Variants in MCCC2 observed in about 807,000 individuals in gnomAD.
MCCC2 encodes the protein methylcrotonoyl-CoA carboxylase beta chain, mitochondrial.
Under a neutral mutation model 77.2 loss-of-function variants are expected in MCCC2, and 52 were observed. The ratio of observed to expected loss-of-function variants is 0.67; its 90% CI spans 0.54 to 0.85. The LOEUF is 0.85. MCCC2 is among the 40% of genes least tolerant of loss of function. MCCC2 has a pLI of 0.00. For missense variants in MCCC2, 682 were observed against 703.2 expected (o/e 0.97, Z 0.34); for synonymous variants, 253 against 248.4 (o/e 1.02, Z -0.18).
At chr5:71,627,761 G>A (rs1425239211) in intron 7 of MCCC2, among the ~76,000 whole-genome samples, 1 of 151,832 alleles carries the variant, frequency 6.6e-6, no homozygotes, top group African/African-American at 2.4e-5. Context: ...CATCTTTGGG[G>A]GTGTGAGGTA....
rs886060745 is a variant in MCCC2, at chr5:71,657,738, T to G, written c.*878T>G. The G allele has an allele frequency of 1.3e-5, 2 of 152,162 alleles. No individual in the cohort carries two copies. The highest frequency in any genetic ancestry group is 1.3e-4 in the Admixed American group (2 of 15,266). The allele number at this position is 152,162 out of a possible 1,614,324, so 9.4% of individuals were successfully genotyped here. A position where few individuals can be genotyped will look rare whatever the true frequency, so the allele number is the denominator to read the frequency against. On this transcript the variant is annotated 3_prime_UTR_variant, in exon 17 of 17. Transcript: ENST00000340941. ...CACCGCGCCTGACCACATCTCCTTA[T>G]TCTTAAATGTATGTGTTTCTCATGG...
chr5:71,628,973 A>T (rs772298532), intron 7 of MCCC2, among the ~76,000 whole-genome samples: 2 of 152,186 alleles, frequency 1.3e-5, no homozygotes, highest in African/African-American at 4.8e-5. Flanking sequence ...TGGGAGGCCA[A>T]GGTGGGTGGA....
rs1745187934 is a variant in MCCC2 at position 71,596,349 on chromosome 5, A to G, written c.266A>G (p.Asn89Ser). 5 of 1,613,996 alleles carry G rather than the reference A, an allele frequency of 3.1e-6. No homozygotes were observed. The highest frequency in any genetic ancestry group is 2.2e-5 in the East Asian group (1 of 44,882). ...GKLLPRERID[N>S]LIDPGSPFLE... is the part of the protein sequence containing the mutation. ...CTATTGCCCAGAGAAAGAATTGACA[A>G]TCTCATAGACCCAGGGTGCGTACAT... Residue 89 changes from asparagine to serine, a missense_variant, in exon 3 of 17, where the codon AAT becomes AGT. Transcript: ENST00000340941.
intron 10 of MCCC2, among the ~76,000 whole-genome samples, chr5:71,639,230 G>C (rs1443356182): frequency 6.6e-6 from 1 of 152,164 alleles, no homozygotes; most frequent in Non-Finnish European, 1.5e-5. Flanking sequence ...GAAAGTCCTA[G>C]GTGGCATCTT....
In MCCC2 at chr5:71,640,382, A is replaced by AT. The variant is rs60843078; in HGVS notation, c.1000-600dup. Among the ~76,000 whole-genome samples the AT allele has an allele frequency of 3.5e-3, 383 of 109,120 alleles. 3 individuals are homozygous for AT. Among genetic ancestry groups the AT allele is most frequent in the African/African-American group, 9.4e-3 (276 of 29,494 alleles). 71.6% of individuals were successfully genotyped at this position (109,120 alleles called of 152,430 possible). On this transcript the variant is annotated intron_variant, in intron 10 of 16. Transcript: ENST00000340941. ...GAAAGGAATAGTTAGCACTTTTTACATTTTTTTTTTTTTTTTTTTTTAACA... is the reference window on the plus strand; with the variant it reads ...GAAAGGAATAGTTAGCACTTTTTACATTTTTTTTTTTTTTTTTTTTTTAACA...
At position 71,596,318 on chromosome 5, in the gene MCCC2, G is replaced by A; in HGVS notation, c.235G>A (p.Gly79Arg). Residue 79 changes from glycine to arginine, a missense_variant, in exon 3 of 17, where the codon GGA becomes AGA. Gly to Arg is a moderately radical substitution (Grantham distance 125). Coordinates refer to ENST00000340941, the MANE Select transcript of MCCC2 (RefSeq NM_022132.5). The part of the protein sequence containing the change: ...EKARALHISR[G>R]KLLPRERIDN... ...AGCCCGAGCACTTCACATATCAAGAGGAAAACTATTGCCCAGAGAAAGAAT... is the reference window on the plus strand; with the variant it reads ...AGCCCGAGCACTTCACATATCAAGAAGAAAACTATTGCCCAGAGAAAGAAT... The A allele has an allele frequency of 6.2e-7, 1 of 1,614,078 alleles. No individual in the cohort carries two copies. The highest frequency in any genetic ancestry group is 2.2e-5 in the East Asian group (1 of 44,866).
chr5:71,642,711 CT>C (rs1378087640), intron 11 of MCCC2, among the ~76,000 whole-genome samples: 4 of 152,212 alleles, frequency 2.6e-5, no homozygotes, highest in South Asian at 4.1e-4. Flanking sequence ...AAGTTTACCC[CT>C]TTCTGAATTG....
Position 71,646,280 on chromosome 5 carries a change from A to G in MCCC2, c.1216+3A>G. ...GCTGTTCCTTCAAAACATTACTGGTAAGAAAATAGCTTAATCAGTTTGGTT... is the reference window on the plus strand; with the variant it reads ...GCTGTTCCTTCAAAACATTACTGGTGAGAAAATAGCTTAATCAGTTTGGTT... On this transcript the variant is annotated splice_donor_region_variant and intron_variant, in intron 13 of 16. Transcript: ENST00000340941. 2 of 1,613,334 alleles carry G rather than the reference A, an allele frequency of 1.2e-6. No homozygotes were observed. The highest frequency in any genetic ancestry group is 1.7e-6 in the Non-Finnish European group (2 of 1,179,466).
At chr5:71,624,999 A>G (rs1746491463) in intron 6 of MCCC2, among the ~76,000 whole-genome samples, 2 of 151,506 alleles carry the variant, frequency 1.3e-5, no homozygotes, top group South Asian at 4.2e-4. Flanking sequence ...CAGCCTGTCT[A>G]ACTACATTTC....
rs1463802125 is a variant in MCCC2, at chr5:71,632,119, AG to A, written c.739del. 1 of 1,614,000 alleles carries A rather than the reference AG, an allele frequency of 6.2e-7. No individual in the cohort carries two copies. Among genetic ancestry groups the A allele is most frequent in the East Asian group, 2.2e-5 (1 of 44,880 alleles). On this transcript the variant is annotated splice_acceptor_variant, in intron 7 of 16. Transcript: ENST00000340941. LOFTEE classifies it high-confidence loss of function. ...CACTGATGATTTTTATCCTTGTTGTAGGTTAAAGCGGCAACTGGGGAAGAAG... is the reference window on the plus strand; with the variant it reads ...CACTGATGATTTTTATCCTTGTTGTAGTTAAAGCGGCAACTGGGGAAGAAG...
At chr5:71,595,326 G>T (rs1745139507) in intron 2 of MCCC2, among the ~76,000 whole-genome samples, 1 of 151,418 alleles carries the variant, frequency 6.6e-6, no homozygotes, top group African/African-American at 2.4e-5. Flanking sequence ...CTGCTGGGAA[G>T]CCTGAGGTGA....
At chr5:71,603,722 G>A (rs543334105) in intron 5 of MCCC2, among the ~76,000 whole-genome samples, 1 of 152,302 alleles carries the variant, frequency 6.6e-6, no homozygotes, top group South Asian at 2.1e-4. Context: ...ATTGGACACA[G>A]CATATAATGT....
At chr5:71,629,200 T>C (rs1344633162) in intron 7 of MCCC2, among the ~76,000 whole-genome samples, 6 of 121,200 alleles carry the variant, frequency 5.0e-5, no homozygotes, top group Non-Finnish European at 9.1e-5. Flanking sequence ...CGAGACTCCA[T>C]CTCAAAAAAA....
chr5:71,630,113 A>G (rs554904923), intron 7 of MCCC2, among the ~76,000 whole-genome samples: 48 of 152,302 alleles, frequency 3.2e-4, no homozygotes, highest in Non-Finnish European at 6.0e-4. Flanking sequence ...CCATCCAGCA[A>G]TCCACCTTTG....
chr5:71,624,264 TCAG>T (rs368374978), intron 6 of MCCC2, among the ~76,000 whole-genome samples: 1 of 152,346 alleles, frequency 6.6e-6, no homozygotes, highest in Non-Finnish European at 1.5e-5. Context: ...GAGCAGGGCT[TCAG>T]CAGATGAGTT....
At chr5:71,590,811 C>T (rs967497410) in intron 1 of MCCC2, among the ~76,000 whole-genome samples, 10 of 132,342 alleles carry the variant, frequency 7.6e-5, no homozygotes, top group East Asian at 2.1e-4. Context: ...GGCCAGACTC[C>T]GTCTCAAAAA....
intron 2 of MCCC2, among the ~76,000 whole-genome samples, chr5:71,594,879 T>C (rs1321414439): frequency 6.8e-6 from 1 of 147,678 alleles, no homozygotes; most frequent in East Asian, 2.0e-4. Context: ...TAAAGAGTGA[T>C]GTTGTCTTAA....
chr5:71,613,269 T>C (rs1228303210), intron 6 of MCCC2, among the ~76,000 whole-genome samples: 1 of 152,252 alleles, frequency 6.6e-6, no homozygotes, highest in Non-Finnish European at 1.5e-5. Context: ...TTAAGCACTA[T>C]AGCCCTCTAT....
At chr5:71,593,089 A>AC in intron 2 of MCCC2, 97 bp downstream of exon 2, 1 of 799,496 alleles carries the variant, frequency 1.3e-6, no homozygotes, top group South Asian at 1.7e-5. Context: ...AGCTTTTGAT[A>AC]TTTTTTTTTT....
Sources: gnomAD v4.1 joint callset for allele counts (sites outside exome capture counted in the v4.1 genomes callset) on GRCh38, gnomAD v4.1.1 for gene constraint, MANE v1.5 for transcripts, NCBI Gene and HGNC (gene_info 2026-07-23, HGNC 2026-07-21) for gene names.